Variants in LARP4B observed in about 807,000 individuals in gnomAD.
LARP4B encodes la-related protein 4B.
In LARP4B, 12 loss-of-function variants were observed where a neutral mutation model predicts 89.8. The observed-to-expected ratio is 0.13, with a 90% CI of 0.09 to 0.22. The LOEUF is 0.22. Among genes scored for constraint, LARP4B ranks in the 10% least tolerant of loss-of-function variants. LARP4B has a pLI of 1.00. For synonymous variants in LARP4B, 367 were observed against 363.3 expected, an observed-to-expected ratio of 1.01 and a Z score of -0.12; for missense variants, 757 against 947.7, an observed-to-expected ratio of 0.80 and a Z score of 2.64.
chr10:864,944 T>TC (rs1410879011), intron 3 of LARP4B, among the ~76,000 whole-genome samples: 10 of 152,052 alleles, frequency 6.6e-5, no homozygotes, highest in African/African-American at 2.4e-4. Context: ...AGAGCAGAAC[T>TC]CCATCTCTAA....
At chr10:878,549 C>T (rs138423683) in intron 3 of LARP4B, among the ~76,000 whole-genome samples, 122 of 152,318 alleles carry the variant, frequency 8.0e-4, no homozygotes, top group Admixed American at 2.4e-3. Context: ...CTGAAAATTG[C>T]TGTTTCAGGA....
At position 843,129 on chromosome 10, in the gene LARP4B, G is replaced by A. The variant is rs1424198800; in HGVS notation, c.510-61C>T. On this transcript the variant is annotated intron_variant, in intron 6 of 17. Transcript: ENST00000316157. ...TCTTTAAAAGGAAGTTTCACCTACT[G>A]TAATTCCAGTTTCACAAGAGGCGTG... The A allele has an allele frequency of 8.2e-6, 12 of 1,459,214 alleles. No homozygotes were observed. In the East Asian group the frequency reaches 9.3e-5, roughly 11 times the overall value. 90.4% of individuals were successfully genotyped at this position (1,459,214 alleles called of 1,614,324 possible). A position where few individuals can be genotyped will look rare whatever the true frequency, so the allele number is the denominator to read the frequency against.
At chr10:813,836 C>G (rs1399405318) in intron 17 of LARP4B, among the ~76,000 whole-genome samples, 1 of 146,602 alleles carries the variant, frequency 6.8e-6, no homozygotes, top group East Asian at 2.0e-4. Context: ...CAGTCTCACT[C>G]TGTCGCACAG....
chr10:902,931 C>T (rs146954120), intron 1 of LARP4B, among the ~76,000 whole-genome samples: 3,182 of 152,276 alleles, frequency 0.021, 63 homozygotes, highest in Admixed American at 0.061. Context: ...GTGTGAGCCA[C>T]GGTGCCTGGC....
intron 5 of LARP4B, among the ~76,000 whole-genome samples, chr10:857,002 A>G (rs1834338705): frequency 6.6e-6 from 1 of 152,018 alleles, no homozygotes; most frequent in African/African-American, 2.4e-5. Context: ...TACAGACTTG[A>G]GACTCCCAGG....
chr10:836,341 T>C (rs981974393), intron 8 of LARP4B, 62 bp downstream of exon 8: 6 of 1,197,938 alleles, frequency 5.0e-6, no homozygotes, highest in Non-Finnish European at 7.3e-6. Context: ...TAAAATAAAA[T>C]CAAAACCAAC....
intron 1 of LARP4B, among the ~76,000 whole-genome samples, chr10:901,003 T>G (rs1836328400): frequency 1.4e-5 from 2 of 143,418 alleles, no homozygotes; most frequent in African/African-American, 5.2e-5. Context: ...AACTGCAACC[T>G]CTGCCTCCTG....
intron 1 of LARP4B, among the ~76,000 whole-genome samples, chr10:896,768 G>C (rs1836201176): frequency 6.6e-6 from 1 of 152,074 alleles, no homozygotes; most frequent in Non-Finnish European, 1.5e-5. Flanking sequence ...GACGTCCTTA[G>C]ACCAAAAGCT....
At chr10:895,230 A>C (rs1236713322) in intron 1 of LARP4B, among the ~76,000 whole-genome samples, 5 of 152,110 alleles carry the variant, frequency 3.3e-5, no homozygotes, top group African/African-American at 1.2e-4. Flanking sequence ...AATAAAAAAT[A>C]AATAAAATTG....
rs1830604906 is a variant in LARP4B at position 931,435 on chromosome 10, C to G, written c.-47G>C. 6.8e-6 allele frequency: 1 copy of G among 147,774 alleles called. No individual in the cohort carries two copies. Among genetic ancestry groups the G allele is most frequent in the Non-Finnish European group, 1.5e-5 (1 of 66,220 alleles). 9.2% of individuals were successfully genotyped at this position (147,774 alleles called of 1,614,324 possible). A position where few individuals can be genotyped will look rare whatever the true frequency, so the allele number is the denominator to read the frequency against. ...CGGCCCAGGGTGCCTCACCTGTCAGCGCCGCCGCCCCGCCCGACCGGCCGC... is the reference window on the plus strand; with the variant it reads ...CGGCCCAGGGTGCCTCACCTGTCAGGGCCGCCGCCCCGCCCGACCGGCCGC... On this transcript the variant is annotated 5_prime_UTR_variant, in exon 1 of 18. Transcript: ENST00000316157.
chr10:897,246 T>C (rs1037679207), intron 1 of LARP4B, among the ~76,000 whole-genome samples: 5 of 152,214 alleles, frequency 3.3e-5, no homozygotes, highest in Admixed American at 2.6e-4. Flanking sequence ...CAACTGATTT[T>C]CCACAAAGGT....
At chr10:927,470 T>A (rs1188940198) in intron 1 of LARP4B, among the ~76,000 whole-genome samples, 1 of 151,440 alleles carries the variant, frequency 6.6e-6, no homozygotes, top group Non-Finnish European at 1.5e-5. Context: ...CAATTCCATG[T>A]TCTAAAAAAG....
In LARP4B at chr10:812,931, G is replaced by A. The variant is rs765732130; in HGVS notation, c.2212C>T (p.Gln738Ter). Residue 738 changes from glutamine to a stop codon, truncating the protein, a stop_gained, in exon 18 of 18, where the codon CAG becomes TAG. Coordinates refer to ENST00000316157, the MANE Select transcript of LARP4B (RefSeq NM_015155.3). LOFTEE classifies it high-confidence loss of function. ...REQSTPPKSP[Q>*] ...CCCTCCCAGACGTACGGTTTTCACT[G>A]AGGAGACTTGGGGGGAGTGCTCTGC... The A allele has an allele frequency of 6.5e-6, 10 of 1,537,310 alleles. No individual in the cohort carries two copies. Among genetic ancestry groups the A allele is most frequent in the Non-Finnish European group, 8.7e-6 (10 of 1,149,888 alleles).
At chr10:902,943 T>A (rs1212918517) in intron 1 of LARP4B, among the ~76,000 whole-genome samples, 2 of 152,210 alleles carry the variant, frequency 1.3e-5, no homozygotes, top group Non-Finnish European at 1.5e-5. Flanking sequence ...GTGCCTGGCA[T>A]AAAATCTTTT....
At chr10:880,941 C>T (rs1283999095) in intron 3 of LARP4B, among the ~76,000 whole-genome samples, 2 of 152,160 alleles carry the variant, frequency 1.3e-5, no homozygotes, top group African/African-American at 4.8e-5. Context: ...TGATAAAACA[C>T]AAGAGGATCA....
At chr10:985,412 C>A in the LARP4B span, 1 of 152,148 alleles carries the variant, frequency 6.6e-6, no homozygotes, top group African/African-American at 2.4e-5. Flanking sequence ...GTATTTTTAA[C>A]ATGCCTGGTA....
the LARP4B span, among the ~76,000 whole-genome samples, chr10:938,924 G>C: frequency 6.6e-6 from 1 of 152,238 alleles, no homozygotes. Context: ...AGAGGAAGCA[G>C]TTGGTAGAGA....
chr10:899,642 T>A (rs553328449), intron 1 of LARP4B, among the ~76,000 whole-genome samples: 1 of 152,362 alleles, frequency 6.6e-6, no homozygotes, highest in East Asian at 1.9e-4. Context: ...TTTGCTAAGT[T>A]ACCTTCTAAC....
chr10:852,739 CAA>C (rs1834121027), intron 5 of LARP4B, among the ~76,000 whole-genome samples: 1 of 152,094 alleles, frequency 6.6e-6, no homozygotes, highest in Non-Finnish European at 1.5e-5. Flanking sequence ...ATGTAATCTA[CAA>C]AAAAGTGTCT....
Sources: allele counts gnomAD v4.1 joint callset (sites outside exome capture counted in the v4.1 genomes callset), GRCh38; gene constraint gnomAD v4.1.1; transcripts MANE v1.5; gene names NCBI Gene and HGNC (gene_info 2026-07-23, HGNC 2026-07-21).